The following WAC variants were observed in gnomAD, a reference collection of about 807,000 sequenced individuals.
WAC encodes the protein WW domain-containing adapter protein with coiled-coil.
WAC carries 11 observed loss-of-function variants against 79.6 expected under a neutral mutation model. That is an observed-to-expected ratio of 0.14 (90% CI 0.09 to 0.23). The LOEUF (loss-of-function observed/expected upper bound fraction) is 0.23, where lower values mean the gene tolerates loss of function less well. Among genes scored for constraint, WAC ranks in the 10% least tolerant of loss-of-function variants. The probability of loss-of-function intolerance (pLI) is 1.00; values close to 1 mark genes in which losing one functional copy is unlikely to be tolerated. For synonymous variants in WAC, 304 were observed against 276.9 expected, an observed-to-expected ratio of 1.10 and a Z score of -0.97; for missense variants, 728 against 773.5, an observed-to-expected ratio of 0.94 and a Z score of 0.70.
chr10:28,542,683 A>G (rs780674647), intron 3 of WAC, among the ~76,000 whole-genome samples: 2 of 152,238 alleles, frequency 1.3e-5, no homozygotes, highest in Non-Finnish European at 2.9e-5. Flanking sequence ...GACCTGACTC[A>G]TAATTCATGA....
intron 3 of WAC, among the ~76,000 whole-genome samples, chr10:28,550,430 C>G (rs1373813483): frequency 1.3e-5 from 2 of 151,740 alleles, no homozygotes; most frequent in East Asian, 3.9e-4. Flanking sequence ...TTTTATGAAG[C>G]CTTCCTTGAG....
chr10:28,596,947 C>T (rs1446513970), intron 7 of WAC, among the ~76,000 whole-genome samples: 2 of 151,862 alleles, frequency 1.3e-5, no homozygotes, highest in African/African-American at 2.4e-5. Context: ...TTTAAAGAAT[C>T]CTAAAAAAGA....
intron 3 of WAC, among the ~76,000 whole-genome samples, chr10:28,536,554 T>C (rs762191756): frequency 2.6e-5 from 4 of 152,254 alleles, no homozygotes; most frequent in Admixed American, 1.3e-4. Flanking sequence ...TTGCTTTTTG[T>C]TGTAAACATT....
At chr10:28,556,567 T>C (rs757318929) in intron 3 of WAC, among the ~76,000 whole-genome samples, 3 of 152,088 alleles carry the variant, frequency 2.0e-5, no homozygotes, top group South Asian at 2.1e-4. Context: ...TAGTGTGATA[T>C]AGTCACACGT....
chr10:28,535,717 C>G lies in WAC; in HGVS notation c.234C>G (p.Ala78=). ...KYSDSTGHSK[A]KNVHTHRVRE... ...GTGACAGCACAGGTCACAGTAAGGC[C>G]AAAAATGTGCATACTCACAGAGTTA... is the stretch of plus-strand genomic sequence containing the variant. Residue 78 remains alanine, a synonymous_variant, in exon 3 of 14, where the codon GCC becomes GCG. Transcript: ENST00000354911. The G allele has an allele frequency of 6.2e-7, 1 of 1,613,006 alleles. No individual in the cohort carries two copies. Among genetic ancestry groups the G allele is most frequent in the East Asian group, 2.2e-5 (1 of 44,864 alleles).
At chr10:28,574,977 T>C (rs1002914179) in intron 3 of WAC, among the ~76,000 whole-genome samples, 1 of 141,902 alleles carries the variant, frequency 7.0e-6, no homozygotes, top group African/African-American at 2.4e-5. Context: ...AAAGAAAAAG[T>C]TACATTAATG....
chr10:28,615,137 C>CAT (rs1841417949), intron 11 of WAC: 1 of 155,174 alleles, frequency 6.4e-6, no homozygotes, highest in Non-Finnish European at 1.4e-5. Context: ...TGACCCTATA[C>CAT]GGATGGCTTT....
At chr10:28,616,030 CTTTA>C (rs1395471966) in intron 11 of WAC, 139 bp from the exon 12 acceptor site, 28 of 642,384 alleles carry the variant, frequency 4.4e-5, no homozygotes, top group Middle Eastern at 4.5e-4. Context: ...TATTAATTCT[CTTTA>C]TTTGACATTA....
At chr10:28,600,553 CTT>C (rs1351284582) in intron 7 of WAC, among the ~76,000 whole-genome samples, 2 of 151,950 alleles carry the variant, frequency 1.3e-5, no homozygotes, top group Non-Finnish European at 2.9e-5. Flanking sequence ...AATCGAATAA[CTT>C]AGTGTAGGAA....
rs141335213 is a variant in WAC, at chr10:28,613,222, C to T, written c.1437+1300C>T. On this transcript the variant is annotated intron_variant, in intron 10 of 13. Coordinates refer to ENST00000354911, the MANE Select transcript of WAC (RefSeq NM_016628.5). Reference sequence around the variant, plus strand: ...TCTCTACTAAAAGTACAAAAATTATCTGGGTGTGCTGGCACAGACCTATAA... The same window carrying T: ...TCTCTACTAAAAGTACAAAAATTATTTGGGTGTGCTGGCACAGACCTATAA... Among the ~76,000 whole-genome samples the T allele has an allele frequency of 3.4e-3, 522 of 152,330 alleles. 2 individuals are homozygous for T. The highest frequency in any genetic ancestry group is 0.012 in the African/African-American group (496 of 41,562).
intron 13 of WAC, chr10:28,618,143 GA>G (rs1841555528): frequency 6.2e-6 from 1 of 162,056 alleles, no homozygotes; most frequent in African/African-American, 2.4e-5. Flanking sequence ...TAGATCCCTT[GA>G]AAAGTATAGA....
In WAC at chr10:28,603,207, G is replaced by A. The variant is rs116704967; in HGVS notation, c.920-4979G>A. On this transcript the variant is annotated intron_variant, in intron 7 of 13. Transcript: ENST00000354911. ...GAAGAAGAATTGTCTTGGTCCACAC[G>A]TAAAATAAACTAATGATAGCTGATG... Among the ~76,000 whole-genome samples the A allele has an allele frequency of 4.9e-3, 748 of 152,258 alleles. 6 individuals are homozygous for A. Among genetic ancestry groups the A allele is most frequent in the African/African-American group, 0.017 (709 of 41,540 alleles).
At chr10:28,592,352 G>A (rs1840135703) in intron 6 of WAC, among the ~76,000 whole-genome samples, 1 of 152,136 alleles carries the variant, frequency 6.6e-6, no homozygotes, top group Admixed American at 6.6e-5. Flanking sequence ...GGCTGGGTGT[G>A]ATGGCTCACA....
chr10:28,581,474 G>C (rs1249783656), intron 3 of WAC, among the ~76,000 whole-genome samples: 2 of 152,032 alleles, frequency 1.3e-5, no homozygotes, highest in African/African-American at 4.8e-5. Flanking sequence ...AGGGCCAGCT[G>C]TGCCAGAAAG....
At chr10:28,577,912 A>G (rs1466034659) in intron 3 of WAC, among the ~76,000 whole-genome samples, 1 of 152,190 alleles carries the variant, frequency 6.6e-6, no homozygotes, top group East Asian at 1.9e-4. Context: ...CAGTCCCAGC[A>G]CTTTGGGAGA....
rs191970054 is a variant in WAC at position 28,571,424 on chromosome 10, G to T, written c.275-11975G>T. Among the ~76,000 whole-genome samples the T allele has an allele frequency of 5.3e-5, 8 of 152,070 alleles. No individual in the cohort carries two copies. In the East Asian group the frequency reaches 1.5e-3, roughly 29 times the overall value. On this transcript the variant is annotated intron_variant, in intron 3 of 13. Coordinates refer to ENST00000354911, the MANE Select transcript of WAC (RefSeq NM_016628.5). ...AACAGCTTTACACATCTGTTACATC[G>T]CAGGTACAGTAACCGTGTTCCTGTC...
At chr10:28,575,180 T>A (rs376776861) in intron 3 of WAC, among the ~76,000 whole-genome samples, 31 of 152,266 alleles carry the variant, frequency 2.0e-4, no homozygotes, top group African/African-American at 7.2e-4. Flanking sequence ...GATGCTGAGG[T>A]TTGGGGTACG....
At chr10:28,581,235 A>ATTT (rs1839515843) in intron 3 of WAC, among the ~76,000 whole-genome samples, 2 of 105,104 alleles carry the variant, frequency 1.9e-5, no homozygotes, top group Admixed American at 1.3e-4. Context: ...ACAATGAGCG[A>ATTT]TTCTTTTTTT....
intron 3 of WAC, chr10:28,537,738 G>GT (rs1368733793): frequency 2.6e-5 from 4 of 152,166 alleles, no homozygotes; most frequent in Non-Finnish European, 5.9e-5. Flanking sequence ...AGCTAGTGGT[G>GT]TTTTAGCCAC....
Sources: allele counts gnomAD v4.1 joint callset (sites outside exome capture counted in the v4.1 genomes callset), GRCh38; gene constraint gnomAD v4.1.1; transcripts MANE v1.5; gene names NCBI Gene and HGNC (gene_info 2026-07-23, HGNC 2026-07-21).